The following RALA variants were observed in gnomAD, a reference collection of about 807,000 sequenced individuals.
RALA encodes RAS like proto-oncogene A, also known as ras-related protein Ral-A.
RALA carries 5 observed loss-of-function variants against 24.0 expected under a neutral mutation model. The observed-to-expected ratio is 0.21, with a 90% CI of 0.11 to 0.44. The LOEUF is 0.44. RALA is among the 20% of genes least tolerant of loss of function. The pLI is 0.99. For missense variants in RALA, 95 were observed against 241.2 expected (o/e 0.39, Z 4.01); for synonymous variants, 77 against 83.8 (o/e 0.92, Z 0.44).
At chr7:39,643,023 G>C (rs1791848279) in intron 1 of RALA, among the ~76,000 whole-genome samples, 1 of 152,172 alleles carries the variant, frequency 6.6e-6, no homozygotes, top group African/African-American at 2.4e-5. Context: ...AACACATAAG[G>C]CAGGAGGAAG....
rs4723892 is a variant in RALA, at chr7:39,706,867, T to C, written c.*622T>C. 108,067 of 152,558 alleles carry C rather than the reference T, an allele frequency of 0.71. 39,326 individuals carry two copies. Among genetic ancestry groups the C allele is most frequent in the African/African-American group, 0.88 (36,684 of 41,486 alleles). 9.5% of individuals were successfully genotyped at this position (152,558 alleles called of 1,614,324 possible). A position where few individuals can be genotyped will look rare whatever the true frequency, so the allele number is the denominator to read the frequency against. ...CTTAATTTAGAAACTGAAAAATATC[T>C]GGTTATATCATTCTGGGTGTGTTCT... On this transcript the variant is annotated 3_prime_UTR_variant, in exon 5 of 5. Coordinates refer to ENST00000005257, the MANE Select transcript of RALA (RefSeq NM_005402.4).
At chr7:39,695,912 T>G (rs1792911426) in intron 3 of RALA, among the ~76,000 whole-genome samples, 1 of 152,214 alleles carries the variant, frequency 6.6e-6, no homozygotes, top group South Asian at 2.1e-4. Flanking sequence ...TCCAGTAGAT[T>G]AATAATGAGC....
intron 1 of RALA, among the ~76,000 whole-genome samples, chr7:39,659,034 C>T (rs1309497379): frequency 6.6e-6 from 1 of 152,076 alleles, no homozygotes; most frequent in African/African-American, 2.4e-5. Flanking sequence ...AATTCCTGCG[C>T]TTTGGGAGGC....
At chr7:39,700,012 G>A (rs1248741479) in intron 4 of RALA, among the ~76,000 whole-genome samples, 1 of 152,094 alleles carries the variant, frequency 6.6e-6, no homozygotes, top group African/African-American at 2.4e-5. Flanking sequence ...TTGCATCCAT[G>A]TGTTCTGCAG....
intron 1 of RALA, among the ~76,000 whole-genome samples, chr7:39,636,495 T>C (rs115259239): frequency 3.3e-3 from 510 of 152,358 alleles, no homozygotes; most frequent in African/African-American, 0.011. Flanking sequence ...ATATCGTGTA[T>C]GCCTTTTCTT....
At position 39,704,322 on chromosome 7, in the gene RALA, CTTGT is replaced by C. The variant is rs544980325; in HGVS notation, c.499-1790_499-1787del. Among the ~76,000 whole-genome samples, 240 of 151,772 alleles carry C rather than the reference CTTGT, an allele frequency of 1.6e-3. 1 individual carries two copies. The highest frequency in any genetic ancestry group is 2.5e-3 in the South Asian group (12 of 4,802). On this transcript the variant is annotated intron_variant, in intron 4 of 4. Transcript: ENST00000005257. ...TCTAGTCAGTCTTACTTGTTTGTGTCTTGTTTGTTTGTTTTTTGAAATGGAGTCT... is the reference window on the plus strand; with the variant it reads ...TCTAGTCAGTCTTACTTGTTTGTGTCTTGTTTGTTTTTTGAAATGGAGTCT...
intron 1 of RALA, among the ~76,000 whole-genome samples, chr7:39,638,838 A>C (rs1345333553): frequency 2.0e-5 from 3 of 152,228 alleles, no homozygotes; most frequent in Admixed American, 6.5e-5. Context: ...ATTCATGTAC[A>C]AGTCTTTGTG....
intron 1 of RALA, among the ~76,000 whole-genome samples, chr7:39,659,562 C>G (rs1178674489): frequency 1.3e-5 from 2 of 152,106 alleles, no homozygotes; most frequent in Non-Finnish European, 2.9e-5. Context: ...GCAGCTTACC[C>G]TACATGATTC....
chr7:39,695,086 C>T (rs1792895065), intron 3 of RALA, among the ~76,000 whole-genome samples: 1 of 151,316 alleles, frequency 6.6e-6, no homozygotes, highest in Non-Finnish European at 1.5e-5. Flanking sequence ...AAAAAGTCTG[C>T]AAAACCAAGT....
chr7:39,676,298 T>A, intron 1 of RALA, among the ~76,000 whole-genome samples: 1 of 152,180 alleles, frequency 6.6e-6, no homozygotes, highest in Non-Finnish European at 1.5e-5. Context: ...TAATGCACCG[T>A]TCAGATCAGA....
chr7:39,684,774 T>C (rs919028347), intron 1 of RALA, among the ~76,000 whole-genome samples: 6 of 150,774 alleles, frequency 4.0e-5, no homozygotes, highest in African/African-American at 1.2e-4. Context: ...TACAAATTTG[T>C]GTTGGGCATT....
At position 39,679,991 on chromosome 7, in the gene RALA, G is replaced by A. The variant is rs561764001; in HGVS notation, c.-37-6640G>A. On this transcript the variant is annotated intron_variant, in intron 1 of 4. Transcript: ENST00000005257. ...TGGAATTACAGGCGTGAGCCACCGC[G>A]CCTGGCCAGAAATTTTTTTCAGTAG... Among the ~76,000 whole-genome samples, 381 of 152,064 alleles carry A rather than the reference G, an allele frequency of 2.5e-3. 1 individual carries two copies. Among genetic ancestry groups the A allele is most frequent in the African/African-American group, 7.9e-3 (328 of 41,508 alleles).
chr7:39,700,894 A>G (rs868466609), intron 4 of RALA: 1 of 152,208 alleles, frequency 6.6e-6, no homozygotes, highest in African/African-American at 2.4e-5. Context: ...CATAAAAGTC[A>G]TTTGCAGCAA....
At chr7:39,682,968 A>G (rs528356084) in intron 1 of RALA, among the ~76,000 whole-genome samples, 5 of 152,240 alleles carry the variant, frequency 3.3e-5, no homozygotes, top group Admixed American at 2.0e-4. Flanking sequence ...CCCCAAATTC[A>G]TATGTTGATT....
chr7:39,661,881 C>G (rs1445231238), intron 1 of RALA, among the ~76,000 whole-genome samples: 1 of 150,900 alleles, frequency 6.6e-6, no homozygotes, highest in Admixed American at 6.6e-5. Flanking sequence ...AGCAGAAGTT[C>G]TCCATGAGGG....
chr7:39,670,750 A>G (rs1167589445), intron 1 of RALA, among the ~76,000 whole-genome samples: 2 of 152,116 alleles, frequency 1.3e-5, no homozygotes, highest in African/African-American at 4.8e-5. Context: ...CCTGTTACTT[A>G]TTTCTCAATA....
At chr7:39,703,787 G>A (rs549416900) in intron 4 of RALA, among the ~76,000 whole-genome samples, 2 of 152,014 alleles carry the variant, frequency 1.3e-5, no homozygotes, top group Non-Finnish European at 2.9e-5. Context: ...GAAGATCTTG[G>A]TTCCTAAATT....
chr7:39,694,324 G>A (rs1792879788), intron 3 of RALA, among the ~76,000 whole-genome samples: 1 of 152,178 alleles, frequency 6.6e-6, no homozygotes, highest in Non-Finnish European at 1.5e-5. Flanking sequence ...AATGCAGGGA[G>A]GTTAAGTGGC....
chr7:39,693,108 C>T (rs1373028026), intron 3 of RALA, among the ~76,000 whole-genome samples: 1 of 152,172 alleles, frequency 6.6e-6, no homozygotes, highest in African/African-American at 2.4e-5. Flanking sequence ...GCTATGAAGA[C>T]ACATGCACAT....
Sources: allele counts gnomAD v4.1 joint callset (sites outside exome capture counted in the v4.1 genomes callset), GRCh38; gene constraint gnomAD v4.1.1; transcripts MANE v1.5; gene names NCBI Gene and HGNC (gene_info 2026-07-23, HGNC 2026-07-21).